GSDMC: variants seen among roughly 807,000 people sequenced by gnomAD.
GSDMC encodes gasdermin-C.
Under a neutral mutation model 58.0 loss-of-function variants are expected in GSDMC, and 59 were observed. The ratio of observed to expected loss-of-function variants is 1.02; its 90% CI spans 0.82 to 1.26. The LOEUF (loss-of-function observed/expected upper bound fraction) is 1.26, where lower values mean the gene tolerates loss of function less well. GSDMC is among the 50% of genes most tolerant of loss of function. The pLI is 0.00. For missense variants in GSDMC, 659 were observed against 598.5 expected (o/e 1.10, Z -1.06); for synonymous variants, 241 against 220.2 (o/e 1.09, Z -0.83).
chr8:129,730,997 T>C, the GSDMC span, among the ~76,000 whole-genome samples: 2 of 152,254 alleles, frequency 1.3e-5, no homozygotes, highest in Admixed American at 1.3e-4. Context: ...TTATCAAAAA[T>C]TCAGTTTAAA....
the GSDMC span, among the ~76,000 whole-genome samples, chr8:129,707,419 C>G: frequency 6.6e-6 from 1 of 151,978 alleles, no homozygotes; most frequent in Non-Finnish European, 1.5e-5. Context: ...TTCAGTTAGG[C>G]ATGGTGAGGG....
the GSDMC span, among the ~76,000 whole-genome samples, chr8:129,713,887 G>C: frequency 6.6e-6 from 1 of 152,148 alleles, no homozygotes; most frequent in Non-Finnish European, 1.5e-5. Flanking sequence ...TTCTGACTAA[G>C]AGCACACACA....
At chr8:129,762,533 G>T (rs1456799325) in intron 5 of GSDMC, 93 bp downstream of exon 5, 2 of 797,562 alleles carry the variant, frequency 2.5e-6, no homozygotes, top group Non-Finnish European at 4.4e-6. Context: ...ATCAAAGGTT[G>T]CATACTATGG....
At chr8:129,761,209 A>G (rs1241297209) in intron 5 of GSDMC, among the ~76,000 whole-genome samples, 1 of 152,182 alleles carries the variant, frequency 6.6e-6, no homozygotes, top group African/African-American at 2.4e-5. Context: ...GTGGAGATAC[A>G]TGCCCAGCAA....
At chr8:129,716,226 G>A in the GSDMC span, among the ~76,000 whole-genome samples, 1,699 of 152,064 alleles carry the variant, frequency 0.011, 34 homozygotes, top group African/African-American at 0.039. Context: ...CAGAATGTGG[G>A]AAAAAGCAAG....
intron 4 of GSDMC, 27 bp from the exon 5 acceptor site, chr8:129,762,758 T>C (rs748260081): frequency 7.0e-7 from 1 of 1,435,788 alleles, no homozygotes; most frequent in African/African-American, 1.4e-5. Context: ...GACAATACAG[T>C]ATTAAATGTA....
At chr8:129,744,117 G>A (rs1264426657), downstream of GSDMC, among the ~76,000 whole-genome samples, 4 of 151,934 alleles carry the variant, frequency 2.6e-5, no homozygotes, top group Non-Finnish European at 4.4e-5. Context: ...CTATCTCTGT[G>A]TTGTTAACTC....
intron 7 of GSDMC, among the ~76,000 whole-genome samples, chr8:129,752,419 G>A (rs1220949313): frequency 6.6e-6 from 1 of 152,160 alleles, no homozygotes. Flanking sequence ...AGAGGAAGGG[G>A]ACAGTTGCAG....
chr8:129,735,661 G>A, the GSDMC span, among the ~76,000 whole-genome samples: 1 of 152,204 alleles, frequency 6.6e-6, no homozygotes, highest in African/African-American at 2.4e-5. Flanking sequence ...AAAGCAGTGT[G>A]TACAGGGAAA....
At chr8:129,721,773 A>G in the GSDMC span, among the ~76,000 whole-genome samples, 1 of 152,186 alleles carries the variant, frequency 6.6e-6, no homozygotes, top group Non-Finnish European at 1.5e-5. Flanking sequence ...TTGGGTTTAC[A>G]TCCTACCAAC....
In GSDMC at chr8:129,762,673, C is replaced by T. The variant is rs1347014620; in HGVS notation, c.629G>A (p.Gly210Asp). ...VKKKALTLQK[G>D]MVMAYKRKQL... ...CTTTCTCTTATAAGCCATCACCATG[C>T]CTTTCTGAAGAGTCAGCGCCTTCTT... The change falls in exon 5 of 14, where the codon GGC becomes GAC. Residue 210 changes from glycine to aspartate, a missense_variant. By Grantham distance (94) the Gly-to-Asp change is moderately conservative. Coordinates refer to ENST00000276708, the MANE Select transcript of GSDMC (RefSeq NM_031415.3). The T allele has an allele frequency of 6.2e-7, 1 of 1,613,942 alleles. No individual in the cohort carries two copies. Among genetic ancestry groups the T allele is most frequent in the Non-Finnish European group, 8.5e-7 (1 of 1,179,798 alleles).
downstream of GSDMC, among the ~76,000 whole-genome samples, chr8:129,746,488 G>A (rs947509548): frequency 1.3e-5 from 2 of 152,180 alleles, no homozygotes; most frequent in African/African-American, 4.8e-5. Context: ...TATCTGTGAG[G>A]TAGGGAACCT....
chr8:129,712,909 G>A, the GSDMC span, among the ~76,000 whole-genome samples: 1 of 152,238 alleles, frequency 6.6e-6, no homozygotes, highest in Non-Finnish European at 1.5e-5. Flanking sequence ...GCAGTGAAGA[G>A]CTCACCAAGG....
At chr8:129,742,165 T>G in the GSDMC span, among the ~76,000 whole-genome samples, 4 of 152,142 alleles carry the variant, frequency 2.6e-5, no homozygotes, top group African/African-American at 9.6e-5. Flanking sequence ...ATTGAAGAGA[T>G]GTTGGTCAAA....
chr8:129,768,242 A>C (rs1269582752), intron 3 of GSDMC, among the ~76,000 whole-genome samples: 1 of 152,362 alleles, frequency 6.6e-6, no homozygotes, highest in South Asian at 2.1e-4. Context: ...GTGAAGGTCT[A>C]TCTCTACTGA....
chr8:129,777,341 A>C (rs1586617448), intron 2 of GSDMC, 27 bp downstream of exon 2: 1 of 1,402,916 alleles, frequency 7.1e-7, no homozygotes, highest in African/African-American at 1.4e-5. Flanking sequence ...TTCACCCCTC[A>C]CCTCCTTGGC....
the GSDMC span, chr8:129,729,124 T>C: frequency 1.5e-6 from 1 of 652,238 alleles, no homozygotes; most frequent in Non-Finnish European, 2.9e-6. Flanking sequence ...TGCAAGTAAC[T>C]GCAGGAGTTG....
the GSDMC span, among the ~76,000 whole-genome samples, chr8:129,739,436 G>C: frequency 6.6e-6 from 1 of 152,150 alleles, no homozygotes; most frequent in Non-Finnish European, 1.5e-5. Flanking sequence ...ATGTCTGTTT[G>C]GATCCCTTGC....
chr8:129,753,447 C>T (rs2033297904), intron 6 of GSDMC, among the ~76,000 whole-genome samples: 1 of 152,168 alleles, frequency 6.6e-6, no homozygotes, highest in Non-Finnish European at 1.5e-5. Context: ...TGGCAGAATT[C>T]ATCATCTGCT....
Sources: allele counts gnomAD v4.1 joint callset (sites outside exome capture counted in the v4.1 genomes callset), GRCh38; gene constraint gnomAD v4.1.1; transcripts MANE v1.5; gene names NCBI Gene and HGNC (gene_info 2026-07-23, HGNC 2026-07-21).